Variants in ANKRD55 observed in about 807,000 individuals in gnomAD.
ANKRD55 encodes ankyrin repeat domain-containing protein 55.
A neutral mutation model predicts 60.6 loss-of-function variants in ANKRD55; 41 were observed. The observed-to-expected ratio is 0.68, with a 90% CI of 0.53 to 0.88. ANKRD55 has a LOEUF of 0.88. Ranked by LOEUF, ANKRD55 falls within the 40% of genes least tolerant of loss-of-function variation. The pLI, the probability that ANKRD55 is intolerant of heterozygous loss-of-function variation, is 0.00. For synonymous variants in ANKRD55, 264 were observed against 290.3 expected, an observed-to-expected ratio of 0.91 and a Z score of 0.92; for missense variants, 732 against 767.6, an observed-to-expected ratio of 0.95 and a Z score of 0.55.
chr5:56,223,307 A>C (rs1479225552), intron 2 of ANKRD55, among the ~76,000 whole-genome samples: 3 of 152,212 alleles, frequency 2.0e-5, no homozygotes, highest in Non-Finnish European at 2.9e-5. Flanking sequence ...AAATGCTGAG[A>C]GATTTTGTCA....
At chr5:56,113,550 C>G (rs1202774872) in intron 9 of ANKRD55, among the ~76,000 whole-genome samples, 1 of 152,106 alleles carries the variant, frequency 6.6e-6, no homozygotes, top group Non-Finnish European at 1.5e-5. Flanking sequence ...CTGAACCGGA[C>G]ACTTTTTTCA....
At chr5:56,220,931 T>C (rs780709362) in intron 2 of ANKRD55, among the ~76,000 whole-genome samples, 7 of 152,212 alleles carry the variant, frequency 4.6e-5, no homozygotes, top group Non-Finnish European at 7.3e-5. Context: ...TTCTCTCTTC[T>C]CCACTTTCTT....
At chr5:56,102,642 A>G (rs1277352887) in intron 10 of ANKRD55, 56 bp from the exon 11 acceptor site, 17 of 1,193,178 alleles carry the variant, frequency 1.4e-5, no homozygotes, top group East Asian at 2.4e-5. Context: ...TGCAAATTAC[A>G]GAATGCAATG....
Position 56,113,645 on chromosome 5 carries a change from T to A in ANKRD55, c.966-1863A>T, listed in dbSNP as rs1756804458. ...AGAAATTTCTGCAAAATAAATAAAG[T>A]GAAATACACAGAAACAGAGAGTAAA... is the stretch of plus-strand genomic sequence containing the variant. On this transcript the variant is annotated intron_variant, in intron 9 of 11. Coordinates refer to ENST00000341048, the MANE Select transcript of ANKRD55 (RefSeq NM_024669.3). Among the ~76,000 whole-genome samples, 5 of 152,054 alleles carry A rather than the reference T, an allele frequency of 3.3e-5. No homozygotes were observed. The South Asian group carries it at 1.0e-3, about 31-fold the overall frequency.
chr5:56,115,388 G>A (rs577168092), intron 9 of ANKRD55, among the ~76,000 whole-genome samples: 227 of 148,856 alleles, frequency 1.5e-3, no homozygotes, highest in African/African-American at 5.3e-3. Flanking sequence ...GCACTGTCTC[G>A]GCTTACTGCA....
intron 3 of ANKRD55, 44 bp from the exon 4 acceptor site, chr5:56,176,326 T>C: frequency 6.2e-7 from 1 of 1,612,342 alleles, no homozygotes; most frequent in Non-Finnish European, 8.5e-7. Flanking sequence ...GTGTGACCCA[T>C]GAAACTGATG....
At chr5:56,121,448 C>G (rs1282052321) in intron 8 of ANKRD55, among the ~76,000 whole-genome samples, 1 of 146,592 alleles carries the variant, frequency 6.8e-6, no homozygotes, top group African/African-American at 2.6e-5. Context: ...TCTCGGCTCA[C>G]TGCAACCTCC....
chr5:56,124,632 G>A lies in ANKRD55; in HGVS notation c.797+2290C>T, dbSNP rs191339609. Among the ~76,000 whole-genome samples the A allele has an allele frequency of 4.1e-3, 622 of 151,340 alleles. 7 individuals are homozygous for A. The highest frequency in any genetic ancestry group is 0.012 in the African/African-American group (502 of 40,920). ...AAGCAATTCTCCTGCCTCAGCCTCC[G>A]GAGTAGCTAGGATTACAGGCGTGCG... On this transcript the variant is annotated intron_variant, in intron 8 of 11. Transcript: ENST00000341048.
intron 2 of ANKRD55, among the ~76,000 whole-genome samples, chr5:56,223,596 A>G (rs531378375): frequency 6.6e-6 from 1 of 152,350 alleles, no homozygotes; most frequent in South Asian, 2.1e-4. Flanking sequence ...AGTGTGCTGT[A>G]TTCAGGAGAC....
intron 2 of ANKRD55, among the ~76,000 whole-genome samples, chr5:56,232,459 G>A (rs1436889781): frequency 1.3e-5 from 2 of 152,142 alleles, no homozygotes; most frequent in African/African-American, 2.4e-5. Flanking sequence ...AAAAAAATGT[G>A]ATGTGTTCTT....
intron 6 of ANKRD55, among the ~76,000 whole-genome samples, chr5:56,154,200 CAAAAAAAAAAA>C (rs367809782): frequency 6.2e-5 from 4 of 64,320 alleles, no homozygotes; most frequent in Non-Finnish European, 1.1e-4. Context: ...GACTCTGTCT[CAAAAAAAAAAA>C]AAAAAAAAAA....
At position 56,102,638 on chromosome 5, in the gene ANKRD55, T is replaced by C. The variant is rs3761779; in HGVS notation, c.1631-52A>G. The C allele has an allele frequency of 4.0e-3, 5,113 of 1,292,172 alleles. 224 individuals carry two copies. The Admixed American group carries it at 0.081, about 20-fold the overall frequency. The allele number at this position is 1,292,172 out of a possible 1,614,324, so 80.0% of individuals were successfully genotyped here. On this transcript the variant is annotated intron_variant, in intron 10 of 11. Coordinates refer to ENST00000341048, the MANE Select transcript of ANKRD55 (RefSeq NM_024669.3). Reference sequence around the variant, plus strand: ...TACTTGAGACTCAACCAAGTGCAAATTACAGAATGCAATGGATAAGAGAAT... The same window carrying C: ...TACTTGAGACTCAACCAAGTGCAAACTACAGAATGCAATGGATAAGAGAAT...
chr5:56,139,464 C>T (rs1366581050), intron 7 of ANKRD55, among the ~76,000 whole-genome samples: 3 of 152,074 alleles, frequency 2.0e-5, no homozygotes, highest in Admixed American at 1.3e-4. Context: ...AAGAAGGTGA[C>T]ACTTAGTTGG....
At chr5:56,185,141 T>G (rs1241468800) in intron 2 of ANKRD55, among the ~76,000 whole-genome samples, 1 of 151,980 alleles carries the variant, frequency 6.6e-6, no homozygotes, top group Non-Finnish European at 1.5e-5. Context: ...GATAATTGCT[T>G]GAACCCGGGA....
intron 2 of ANKRD55, 73 bp downstream of exon 2, chr5:56,232,783 C>T (rs1346139449): frequency 6.9e-7 from 1 of 1,442,586 alleles, no homozygotes; most frequent in Non-Finnish European, 9.7e-7. Flanking sequence ...TCTTTCTCTC[C>T]TTACAACTGT....
chr5:56,185,536 T>G (rs1346703206), intron 2 of ANKRD55, among the ~76,000 whole-genome samples: 1 of 149,904 alleles, frequency 6.7e-6, no homozygotes, highest in Non-Finnish European at 1.5e-5. Context: ...GGCCTGGTGG[T>G]GCATGCCTGT....
At chr5:56,161,896 G>T in intron 5 of ANKRD55, 1 of 822,424 alleles carries the variant, frequency 1.2e-6, no homozygotes, top group Non-Finnish European at 1.5e-6. Context: ...ATTGCATTTT[G>T]GGTCACACAA....
chr5:56,206,025 G>A (rs182882270), intron 2 of ANKRD55, among the ~76,000 whole-genome samples: 44 of 150,144 alleles, frequency 2.9e-4, no homozygotes, highest in African/African-American at 1.1e-3. Context: ...GCCCAGGCTG[G>A]AGTTTAGTGG....
intron 3 of ANKRD55, 23 bp from the exon 4 acceptor site, chr5:56,176,305 C>A: frequency 6.2e-7 from 1 of 1,614,038 alleles, no homozygotes; most frequent in Non-Finnish European, 8.5e-7. Flanking sequence ...ATTTCAACAG[C>A]CTTTAAACAT....
Sources: allele counts gnomAD v4.1 joint callset (sites outside exome capture counted in the v4.1 genomes callset), GRCh38; gene constraint gnomAD v4.1.1; transcripts MANE v1.5; gene names NCBI Gene and HGNC (gene_info 2026-07-23, HGNC 2026-07-21).